Variants in ANP32B observed in about 807,000 individuals in gnomAD.
ANP32B encodes acidic leucine-rich nuclear phosphoprotein 32 family member B.
ANP32B carries 6 observed loss-of-function variants against 32.2 expected under a neutral mutation model. The observed-to-expected ratio is 0.19, with a 90% CI of 0.10 to 0.37. The LOEUF (loss-of-function observed/expected upper bound fraction) is 0.37. Ranked by LOEUF, ANP32B falls within the 10% of genes least tolerant of loss-of-function variation. The pLI is 1.00. For missense variants in ANP32B, 204 were observed against 289.2 expected, an observed-to-expected ratio of 0.71 and a Z score of 2.14; for synonymous variants, 98 against 105.8, an observed-to-expected ratio of 0.93 and a Z score of 0.45.
intron 2 of ANP32B, among the ~76,000 whole-genome samples, chr9:97,997,594 A>T (rs1827926232): frequency 6.6e-6 from 1 of 152,260 alleles, no homozygotes; most frequent in South Asian, 2.1e-4. Flanking sequence ...CAGGAGTGGT[A>T]ATTCTGCCTA....
At chr9:98,009,173 T>C (rs1828138151) in intron 4 of ANP32B, among the ~76,000 whole-genome samples, 1 of 152,248 alleles carries the variant, frequency 6.6e-6, no homozygotes, top group African/African-American at 2.4e-5. Flanking sequence ...AAATAATCTC[T>C]GATCATAACA....
intron 5 of ANP32B, 121 bp from the exon 6 acceptor site, chr9:98,012,299 GT>G: frequency 8.6e-7 from 1 of 1,166,870 alleles, no homozygotes; most frequent in Non-Finnish European, 1.2e-6. Context: ...TAACATTACA[GT>G]TTCCTGCTTG....
rs1828182682 is a variant in ANP32B, at chr9:98,011,356, A to G, written c.603A>G (p.Glu201=). ...DEEDDEDEDV[E]GDEDDDEVSE... ...AAGATGATGAAGATGAAGATGTAGA[A>G]GGGGATGAGGACGACGATGAAGTCA... Residue 201 remains glutamate, a synonymous_variant, in exon 5 of 7, where the codon GAA becomes GAG. Coordinates refer to ENST00000339399, the MANE Select transcript of ANP32B (RefSeq NM_006401.3). 6.4e-7 allele frequency: 1 copy of G among 1,564,526 alleles called. No homozygotes were observed. The highest frequency in any genetic ancestry group is 8.7e-7 in the Non-Finnish European group (1 of 1,150,158).
chr9:98,009,590 A>G (rs1049076553), intron 4 of ANP32B, among the ~76,000 whole-genome samples: 3 of 152,250 alleles, frequency 2.0e-5, no homozygotes, highest in Non-Finnish European at 2.9e-5. Context: ...TTGCACTCCT[A>G]TGAGGATCTA....
intron 2 of ANP32B, among the ~76,000 whole-genome samples, chr9:97,997,425 A>G (rs148873217): frequency 1.1e-3 from 163 of 152,342 alleles, no homozygotes; most frequent in Non-Finnish European, 9.6e-4. Flanking sequence ...ATTGCATGGC[A>G]AAAACTTCAT....
At chr9:97,986,040 C>T (rs1396055629) in intron 1 of ANP32B, among the ~76,000 whole-genome samples, 2 of 152,150 alleles carry the variant, frequency 1.3e-5, no homozygotes, top group African/African-American at 4.8e-5. Context: ...AGGCTGGTCT[C>T]CAACTCCTGA....
intron 2 of ANP32B, among the ~76,000 whole-genome samples, chr9:97,996,334 GTT>G (rs1323482408): frequency 1.3e-5 from 2 of 152,148 alleles, no homozygotes; most frequent in Non-Finnish European, 2.9e-5. Flanking sequence ...ATCAGTGACC[GTT>G]TTTATAGGGA....
At chr9:98,009,429 T>C (rs1223179651) in intron 4 of ANP32B, among the ~76,000 whole-genome samples, 1 of 152,244 alleles carries the variant, frequency 6.6e-6, no homozygotes, top group South Asian at 2.1e-4. Context: ...ACTGGTTTCA[T>C]GGAAGACAGT....
At chr9:97,984,973 C>T (rs112939045) in intron 1 of ANP32B, among the ~76,000 whole-genome samples, 1 of 151,108 alleles carries the variant, frequency 6.6e-6, no homozygotes, top group Non-Finnish European at 1.5e-5. Context: ...CTGAGGGCGG[C>T]CCTCTTGCGG....
At chr9:98,012,350 A>G in intron 5 of ANP32B, 71 bp from the exon 6 acceptor site, 1 of 1,542,814 alleles carries the variant, frequency 6.5e-7, no homozygotes, top group Non-Finnish European at 8.8e-7. Flanking sequence ...TTAGTTTGGC[A>G]GAATTTGTAC....
At chr9:97,994,580 T>A in intron 1 of ANP32B, 51 bp from the exon 2 acceptor site, 1 of 1,560,892 alleles carries the variant, frequency 6.4e-7, no homozygotes, top group South Asian at 1.2e-5. Context: ...CATTGTTGTT[T>A]GTTTTCAATG....
At chr9:97,984,029 A>AG (rs1827651296) in intron 1 of ANP32B, among the ~76,000 whole-genome samples, 1 of 149,072 alleles carries the variant, frequency 6.7e-6, no homozygotes, top group Non-Finnish European at 1.5e-5. Context: ...CGCCTGGGCC[A>AG]GGCCGGGCTC....
intron 4 of ANP32B, among the ~76,000 whole-genome samples, chr9:98,010,795 C>T (rs1330103914): frequency 6.6e-6 from 1 of 151,946 alleles, no homozygotes; most frequent in Non-Finnish European, 1.5e-5. Context: ...CTGATTTGAG[C>T]AGCTGACTGT....
chr9:98,003,617 T>C (rs945471232), intron 3 of ANP32B, among the ~76,000 whole-genome samples: 2 of 152,236 alleles, frequency 1.3e-5, no homozygotes, highest in African/African-American at 2.4e-5. Flanking sequence ...CAGAACTACA[T>C]AGATACCTTG....
intron 3 of ANP32B, among the ~76,000 whole-genome samples, chr9:98,000,180 G>GTTA (rs1827966562): frequency 6.6e-6 from 1 of 152,154 alleles, no homozygotes; most frequent in African/African-American, 2.4e-5. Flanking sequence ...GTCTCACTAT[G>GTTA]TTAGGCCAGG....
intron 1 of ANP32B, 100 bp from the exon 2 acceptor site, chr9:97,994,531 A>G (rs1328264904): frequency 1.7e-6 from 2 of 1,178,300 alleles, no homozygotes. Flanking sequence ...GCCTGTATAT[A>G]TGGGTGTTTT....
chr9:98,002,226 C>T (rs957217149), intron 3 of ANP32B: 1 of 152,120 alleles, frequency 6.6e-6, no homozygotes, highest in African/African-American at 2.4e-5. Flanking sequence ...TACTTTGAGC[C>T]CAGTTCTTAT....
chr9:98,014,382 T>A (rs117013889), intron 6 of ANP32B, among the ~76,000 whole-genome samples: 6,066 of 151,886 alleles, frequency 0.04, 152 homozygotes, highest in Non-Finnish European at 0.053. Context: ...CACTCCAGCC[T>A]GGGCGACGGA....
intron 4 of ANP32B, among the ~76,000 whole-genome samples, chr9:98,005,899 A>G (rs934454394): frequency 1.2e-4 from 19 of 152,342 alleles, no homozygotes; most frequent in African/African-American, 4.1e-4. Context: ...ACCAGGCCGC[A>G]TGAGCAGTGA....
Sources: allele counts gnomAD v4.1 joint callset (sites outside exome capture counted in the v4.1 genomes callset), GRCh38; gene constraint gnomAD v4.1.1; transcripts MANE v1.5; gene names NCBI Gene and HGNC (gene_info 2026-07-23, HGNC 2026-07-21).